The following PSD3 variants were observed in gnomAD, a reference collection of about 807,000 sequenced individuals.
The protein encoded by PSD3 is pleckstrin and Sec7 domain containing 3.
PSD3 carries 49 observed loss-of-function variants against 105.5 expected under a neutral mutation model. The ratio of observed to expected loss-of-function variants is 0.46; its 90% CI spans 0.37 to 0.59. The LOEUF is 0.59. Ranked by LOEUF, PSD3 falls within the 20% of genes least tolerant of loss-of-function variation. The probability of loss-of-function intolerance (pLI) is 0.00; values close to 1 mark genes in which losing one functional copy is unlikely to be tolerated. For missense variants in PSD3, 1,561 were observed against 1,263.8 expected (o/e 1.24, Z -3.57); for synonymous variants, 557 against 457.8 (o/e 1.22, Z -2.77).
intron 2 of PSD3, among the ~76,000 whole-genome samples, chr8:18,920,875 A>AT (rs974922730): frequency 5.3e-5 from 8 of 152,102 alleles, no homozygotes; most frequent in African/African-American, 1.9e-4. Context: ...CCCAAACAAT[A>AT]TGAATAGAGG....
intron 1 of PSD3, among the ~76,000 whole-genome samples, chr8:19,043,626 T>G (rs1828208804): frequency 6.6e-6 from 1 of 152,196 alleles, no homozygotes. Context: ...GGAATGGTAT[T>G]GGGAGATGGG....
chr8:18,949,124 A>T (rs1329971257), intron 1 of PSD3, among the ~76,000 whole-genome samples: 2 of 146,944 alleles, frequency 1.4e-5, no homozygotes, highest in Non-Finnish European at 3.0e-5. Flanking sequence ...CGGGAGGCTG[A>T]GGCAGGAGAA....
intron 9 of PSD3, among the ~76,000 whole-genome samples, chr8:18,727,594 A>G (rs28660231): frequency 0.059 from 8,919 of 150,086 alleles, 522 homozygotes; most frequent in East Asian, 0.24. Flanking sequence ...GCACGCACAC[A>G]CACACCCCTC....
chr8:18,760,992 G>C (rs556869053), intron 9 of PSD3, among the ~76,000 whole-genome samples: 2 of 152,252 alleles, frequency 1.3e-5, no homozygotes, highest in Admixed American at 6.5e-5. Context: ...TGGGATCTTA[G>C]CAGAATATGA....
rs1287259372 is a variant in PSD3 at position 18,762,957 on chromosome 8, C to G, written c.2172+2492G>C. 2.3e-6 allele frequency: 3 copies of G among 1,281,972 alleles called. No homozygotes were observed. The Admixed American group carries it at 6.9e-5, about 29-fold the overall frequency. The allele number at this position is 1,281,972 out of a possible 1,614,324, so 79.4% of individuals were successfully genotyped here. A position where few individuals can be genotyped will look rare whatever the true frequency, so the allele number is the denominator to read the frequency against. On this transcript the variant is annotated intron_variant, in intron 9 of 15. Transcript: ENST00000327040. ...ATGGAGAAAGACACCTCCAATATTT[C>G]TCAGTAGTCTGTGATCTCTGAGGAC... is the stretch of plus-strand genomic sequence containing the variant.
chr8:18,667,017 T>C (rs1799507407), intron 9 of PSD3, among the ~76,000 whole-genome samples: 1 of 152,138 alleles, frequency 6.6e-6, no homozygotes. Context: ...GGGAGTTTTT[T>C]CCTTCTTGTG....
rs571922067 is a variant in PSD3 at position 19,021,564 on chromosome 8, A to C, written c.324+62642T>G. On this transcript the variant is annotated intron_variant, in intron 1 of 1. Transcript: ENST00000521475. ...TTTATTTGCTTTTTTGTTACAAAAAAAAAAAAAACCCATAGCTTCTTGGAA... is the reference window on the plus strand; with the variant it reads ...TTTATTTGCTTTTTTGTTACAAAAACAAAAAAAACCCATAGCTTCTTGGAA... 8.1e-3 allele frequency among the ~76,000 whole-genome samples: 1,228 copies of C among 152,198 alleles called. 7 individuals carry two copies. The highest frequency in any genetic ancestry group is 0.012 in the Non-Finnish European group (823 of 68,000).
chr8:18,884,910 T>G (rs748944719), intron 2 of PSD3, among the ~76,000 whole-genome samples: 27 of 152,180 alleles, frequency 1.8e-4, no homozygotes, highest in Non-Finnish European at 3.7e-4. Context: ...AAGGGAAGCT[T>G]GAGTGAGACA....
intron 14 of PSD3, among the ~76,000 whole-genome samples, chr8:18,559,508 A>G (rs1801267644): frequency 6.6e-6 from 1 of 152,174 alleles, no homozygotes; most frequent in South Asian, 2.1e-4. Context: ...TTAAGAAATC[A>G]AACTCTTTCT....
chr8:18,678,332 T>G (rs1229671508), intron 9 of PSD3, among the ~76,000 whole-genome samples: 3 of 152,178 alleles, frequency 2.0e-5, no homozygotes, highest in African/African-American at 7.2e-5. Flanking sequence ...GCATTTTAAA[T>G]TTTTACATGA....
chr8:18,776,960 G>T (rs763530386), intron 8 of PSD3, among the ~76,000 whole-genome samples: 1 of 152,062 alleles, frequency 6.6e-6, no homozygotes, highest in Non-Finnish European at 1.5e-5. Flanking sequence ...TATTTCTGCG[G>T]TATCAGTAGT....
chr8:18,640,196 A>G (rs1241603164), intron 10 of PSD3, among the ~76,000 whole-genome samples: 1 of 152,178 alleles, frequency 6.6e-6, no homozygotes, highest in African/African-American at 2.4e-5. Flanking sequence ...AGGATATTCC[A>G]TGTGTCTCCA....
intron 1 of PSD3, among the ~76,000 whole-genome samples, chr8:19,053,305 C>T (rs941104834): frequency 5.9e-5 from 9 of 152,026 alleles, no homozygotes; most frequent in Non-Finnish European, 1.0e-4. Context: ...ATCATCCCTC[C>T]GCACTGCGTC....
chr8:18,797,172 C>T (rs1327658713), intron 8 of PSD3, among the ~76,000 whole-genome samples: 2 of 152,128 alleles, frequency 1.3e-5, no homozygotes, highest in East Asian at 1.9e-4. Flanking sequence ...AGACTTGTAA[C>T]AGCATGCATT....
At chr8:18,817,289 C>T (rs1310192357) in intron 4 of PSD3, among the ~76,000 whole-genome samples, 2 of 152,182 alleles carry the variant, frequency 1.3e-5, no homozygotes, top group African/African-American at 2.4e-5. Context: ...TTCCAAAGTT[C>T]GTGGGCTGTT....
intron 1 of PSD3, among the ~76,000 whole-genome samples, chr8:19,072,375 C>T (rs117390780): frequency 1.3e-5 from 2 of 152,172 alleles, no homozygotes; most frequent in Admixed American, 6.5e-5. Context: ...GACTGAGCCA[C>T]GGAGCCCGGA....
chr8:18,937,598 A>C (rs888368237), intron 1 of PSD3, among the ~76,000 whole-genome samples: 2 of 152,216 alleles, frequency 1.3e-5, no homozygotes, highest in Non-Finnish European at 2.9e-5. Context: ...AATTTCTTAA[A>C]AGAGCTCCAC....
At chr8:18,897,385 T>C (rs1446835056) in intron 2 of PSD3, among the ~76,000 whole-genome samples, 3 of 152,234 alleles carry the variant, frequency 2.0e-5, no homozygotes, top group Admixed American at 6.5e-5. Context: ...TCTGTTTTTA[T>C]GACAGTACTA....
intron 11 of PSD3, among the ~76,000 whole-genome samples, chr8:18,620,972 G>A (rs1009773200): frequency 6.6e-6 from 1 of 152,186 alleles, no homozygotes; most frequent in East Asian, 1.9e-4. Context: ...CGAGTCAGCA[G>A]TGAAAATAGA....
Sources: allele counts gnomAD v4.1 joint callset (sites outside exome capture counted in the v4.1 genomes callset), GRCh38; gene constraint gnomAD v4.1.1; transcripts MANE v1.5; gene names NCBI Gene and HGNC (gene_info 2026-07-23, HGNC 2026-07-21).